The following JAKMIP3 variants were observed in gnomAD, a reference collection of about 807,000 sequenced individuals.
JAKMIP3 encodes janus kinase and microtubule-interacting protein 3.
Under a neutral mutation model 118.5 loss-of-function variants are expected in JAKMIP3, and 58 were observed. The ratio of observed to expected loss-of-function variants is 0.49; its 90% CI spans 0.40 to 0.61. The LOEUF (loss-of-function observed/expected upper bound fraction) is 0.61. JAKMIP3 is among the 20% of genes least tolerant of loss of function. The pLI is 0.00. For synonymous variants in JAKMIP3, 486 were observed against 451.2 expected, an observed-to-expected ratio of 1.08 and a Z score of -0.98; for missense variants, 950 against 1,109.0, an observed-to-expected ratio of 0.86 and a Z score of 2.04.
At chr10:132,181,051 A>C (rs1026464815) in intron 23 of JAKMIP3, among the ~76,000 whole-genome samples, 2 of 151,420 alleles carry the variant, frequency 1.3e-5, no homozygotes, top group African/African-American at 2.4e-5. Flanking sequence ...AGGTATGTGT[A>C]TTGTGCATTG....
chr10:132,180,744 T>TGCGTGC lies in JAKMIP3; in HGVS notation c.*1104-1610_*1104-1609insTGCGCG, dbSNP rs1554963397. On this transcript the variant is annotated intron_variant, in intron 23 of 23. Coordinates refer to ENST00000684848, the MANE Select transcript of JAKMIP3 (RefSeq NM_001323087.2). Reference sequence around the variant, plus strand: ...GCGTGTGTGTGCGTGTGTGCGTGCGTGCGCGCGCGTGTGTGCGTGTGTGTG... The same window carrying TGCGTGC: ...GCGTGTGTGTGCGTGTGTGCGTGCGTGCGTGCGCGCGCGCGTGTGTGCGTGTGTGTG... Among the ~76,000 whole-genome samples the TGCGTGC allele has an allele frequency of 1.4e-4, 3 of 21,942 alleles. 1 individual carries two copies. The highest frequency in any genetic ancestry group is 1.3e-4 in the Non-Finnish European group (2 of 14,830). The allele number at this position is 21,942 out of a possible 152,430, so 14.4% of individuals were successfully genotyped here. A position where few individuals can be genotyped will look rare whatever the true frequency, so the allele number is the denominator to read the frequency against.
intron 3 of JAKMIP3, among the ~76,000 whole-genome samples, chr10:132,122,285 C>T (rs1365005084): frequency 6.6e-6 from 1 of 152,132 alleles, no homozygotes; most frequent in African/African-American, 2.4e-5. Context: ...TGTTGGGGCC[C>T]TGACTGCCCC....
In JAKMIP3 at chr10:132,135,168, C is replaced by T. The variant is rs755172930; in HGVS notation, c.969+8C>T. On this transcript the variant is annotated splice_region_variant and intron_variant, in intron 5 of 23. Transcript: ENST00000684848. Reference sequence around the variant, plus strand: ...GAAGAGAGGAATGAGCTGGTGAGCGCGGGCGGGGGCTTCTGGCTCCTGGGG... The same window carrying T: ...GAAGAGAGGAATGAGCTGGTGAGCGTGGGCGGGGGCTTCTGGCTCCTGGGG... 16 of 1,593,542 alleles carry T rather than the reference C, an allele frequency of 1.0e-5. No individual in the cohort carries two copies. The highest frequency in any genetic ancestry group is 2.1e-4 in the Middle Eastern group (1 of 4,728).
At position 132,140,323 on chromosome 10, in the gene JAKMIP3, G is replaced by A. The variant is rs565302180; in HGVS notation, c.1345-128G>A. On this transcript the variant is annotated intron_variant, in intron 9 of 23. Coordinates refer to ENST00000684848, the MANE Select transcript of JAKMIP3 (RefSeq NM_001323087.2). ...GGCCACCTCCTCGGCCTGTGCCAGGGACAGAGATGGGAGTGTGTCGCAGGG... is the reference window on the plus strand; with the variant it reads ...GGCCACCTCCTCGGCCTGTGCCAGGAACAGAGATGGGAGTGTGTCGCAGGG... 110 of 1,375,474 alleles carry A rather than the reference G, an allele frequency of 8.0e-5. No individual in the cohort carries two copies. In the East Asian group the frequency reaches 2.5e-3, roughly 32 times the overall value. The allele number at this position is 1,375,474 out of a possible 1,614,324, so 85.2% of individuals were successfully genotyped here. A position where few individuals can be genotyped will look rare whatever the true frequency, so the allele number is the denominator to read the frequency against.
chr10:132,045,765 C>T (rs971454479), intron 1 of JAKMIP3, among the ~76,000 whole-genome samples: 2 of 151,794 alleles, frequency 1.3e-5, no homozygotes, highest in Non-Finnish European at 2.9e-5. Flanking sequence ...CCCATCTTTA[C>T]AAAACATCTG....
Position 132,104,876 on chromosome 10 carries a change from C to T in JAKMIP3, c.68C>T (p.Ala23Val), listed in dbSNP as rs755706630. The change falls in exon 2 of 24, where the codon GCG (alanine) becomes GTG (valine). Residue 23 changes from alanine to valine, a missense_variant. Coordinates refer to ENST00000684848, the MANE Select transcript of JAKMIP3 (RefSeq NM_001323087.2). Reference sequence around the variant, plus strand: ...GCAGAGGCCCTCGCGGCGCTGCAGGCGGCCAACGAGGATCTTCGAGCCAAG... The same window carrying T: ...GCAGAGGCCCTCGCGGCGCTGCAGGTGGCCAACGAGGATCTTCGAGCCAAG... ...DKAEALAALQ[A>V]ANEDLRAKLT... The T allele has an allele frequency of 1.0e-4, 158 of 1,570,968 alleles. 1 individual carries two copies. The highest frequency in any genetic ancestry group is 1.3e-4 in the Non-Finnish European group (149 of 1,158,930).
chr10:132,063,237 C>T (rs1455176421), upstream of JAKMIP3, among the ~76,000 whole-genome samples: 7 of 152,194 alleles, frequency 4.6e-5, no homozygotes, highest in African/African-American at 1.4e-4. Flanking sequence ...CCACGTGAGA[C>T]ATAGAGACCC....
chr10:132,168,479 T>C lies in JAKMIP3; in HGVS notation c.*549T>C, dbSNP rs2814172. ...GGTCCTGGGAGGGCTCCCCGACGCC[T>C]CAGGGGCCCCTCCGATGCTGCAATA... On this transcript the variant is annotated 3_prime_UTR_variant, in exon 23 of 24. Coordinates refer to ENST00000684848, the MANE Select transcript of JAKMIP3 (RefSeq NM_001323087.2). 0.11 allele frequency: 113,777 copies of C among 1,078,142 alleles called. 6,927 individuals carry two copies. Among genetic ancestry groups the C allele is most frequent in the African/African-American group, 0.24 (14,297 of 60,602 alleles). 66.8% of individuals were successfully genotyped at this position (1,078,142 alleles called of 1,614,324 possible). A position where few individuals can be genotyped will look rare whatever the true frequency, so the allele number is the denominator to read the frequency against.
At chr10:132,181,450 T>A (rs2061463070) in intron 23 of JAKMIP3, 1 of 152,182 alleles carries the variant, frequency 6.6e-6, no homozygotes, top group Admixed American at 6.5e-5. Context: ...CTGTTTTACA[T>A]GGGGCTTCAC....
chr10:132,119,457 T>C (rs1028190195), intron 3 of JAKMIP3, among the ~76,000 whole-genome samples: 1 of 152,242 alleles, frequency 6.6e-6, no homozygotes, highest in African/African-American at 2.4e-5. Flanking sequence ...TGCATACTTA[T>C]GTCTGTAGCA....
In JAKMIP3 at chr10:132,133,368, G is replaced by A; in HGVS notation, c.690G>A (p.Gly230=). Residue 230 remains glycine (G), a synonymous_variant, in exon 4 of 24, where the codon GGG becomes GGA. Coordinates refer to ENST00000684848, the MANE Select transcript of JAKMIP3 (RefSeq NM_001323087.2). ...RAVFVLEREL[G]VQAGHAQRLQ... ...TCTTCGTGCTGGAGAGAGAGTTAGG[G>A]GTTCAAGCCGGGCATGCTCAGAGAC... The A allele has an allele frequency of 1.2e-6, 2 of 1,602,808 alleles. No homozygotes were observed. Among genetic ancestry groups the A allele is most frequent in the Non-Finnish European group, 1.7e-6 (2 of 1,174,710 alleles).
intron 1 of JAKMIP3, among the ~76,000 whole-genome samples, chr10:132,079,173 T>C (rs2041378534): frequency 1.0e-5 from 1 of 95,506 alleles, no homozygotes; most frequent in Non-Finnish European, 1.9e-5. Context: ...CCCACAGCGC[T>C]GGGGTCTGTG....
intron 19 of JAKMIP3, among the ~76,000 whole-genome samples, chr10:132,155,795 C>T (rs1337594566): frequency 6.6e-6 from 1 of 152,220 alleles, no homozygotes; most frequent in East Asian, 1.9e-4. Flanking sequence ...CACAGGTTGC[C>T]AGCTGTTCTT....
At chr10:132,152,234 G>C (rs1164147057) in intron 16 of JAKMIP3, among the ~76,000 whole-genome samples, 1 of 152,370 alleles carries the variant, frequency 6.6e-6, no homozygotes, top group East Asian at 1.9e-4. Context: ...TTGGGGGACA[G>C]CAAGAGATGC....
chr10:132,144,068 C>T (rs2054111933), intron 11 of JAKMIP3: 1 of 149,336 alleles, frequency 6.7e-6, no homozygotes, highest in Non-Finnish European at 1.5e-5. Context: ...CTGATGGATC[C>T]TCTGACCCTG....
At chr10:132,120,055 G>C (rs555520216) in intron 3 of JAKMIP3, among the ~76,000 whole-genome samples, 76 of 152,332 alleles carry the variant, frequency 5.0e-4, no homozygotes, top group Middle Eastern at 3.4e-3. Flanking sequence ...AGCCTAGTCA[G>C]AGACAAAGGC....
chr10:132,077,588 T>C (rs2041030754), intron 1 of JAKMIP3, among the ~76,000 whole-genome samples: 1 of 152,038 alleles, frequency 6.6e-6, no homozygotes, highest in Non-Finnish European at 1.5e-5. Context: ...TGAGGTGGCT[T>C]TATTTGTTTC....
Position 132,124,695 on chromosome 10 carries a change from C to T in JAKMIP3, c.633+7121C>T, listed in dbSNP as rs773258808. Among the ~76,000 whole-genome samples the T allele has an allele frequency of 5.9e-4, 90 of 152,384 alleles. 1 individual carries two copies. Among genetic ancestry groups the T allele is most frequent in the Middle Eastern group, 3.4e-3 (1 of 294 alleles). ...ATTTGAGTCATGTCCCACACTTGGCCATCATACGAGCACCTATCACATCCT... is the reference window on the plus strand; with the variant it reads ...ATTTGAGTCATGTCCCACACTTGGCTATCATACGAGCACCTATCACATCCT... On this transcript the variant is annotated intron_variant, in intron 3 of 23. Coordinates refer to ENST00000684848, the MANE Select transcript of JAKMIP3 (RefSeq NM_001323087.2).
At chr10:132,070,348 A>T (rs1423805780) in intron 1 of JAKMIP3, among the ~76,000 whole-genome samples, 2 of 152,102 alleles carry the variant, frequency 1.3e-5, no homozygotes, top group African/African-American at 2.4e-5. Context: ...GGGTTTCGCC[A>T]TGTTGGTCAG....
Sources: gnomAD v4.1 joint callset for allele counts (sites outside exome capture counted in the v4.1 genomes callset) on GRCh38, gnomAD v4.1.1 for gene constraint, MANE v1.5 for transcripts, NCBI Gene and HGNC (gene_info 2026-07-23, HGNC 2026-07-21) for gene names.